CADPS2: variants seen among roughly 807,000 people sequenced by gnomAD.
CADPS2 encodes the protein calcium-dependent secretion activator 2.
Under a neutral mutation model 172.5 loss-of-function variants are expected in CADPS2, and 93 were observed. The ratio of observed to expected loss-of-function variants is 0.54; its 90% CI spans 0.46 to 0.64. The LOEUF is 0.64. Ranked by LOEUF, CADPS2 falls within the 30% of genes least tolerant of loss-of-function variation. The probability of loss-of-function intolerance (pLI) is 0.00; values close to 1 mark genes in which losing one functional copy is unlikely to be tolerated. For missense variants in CADPS2, 1,420 were observed against 1,565.9 expected (o/e 0.91, Z 1.57); for synonymous variants, 546 against 555.2 (o/e 0.98, Z 0.23).
intron 2 of CADPS2, among the ~76,000 whole-genome samples, chr7:122,707,922 G>C (rs778203130): frequency 4.0e-5 from 6 of 151,560 alleles, no homozygotes; most frequent in Non-Finnish European, 8.8e-5. Flanking sequence ...TTTCTGGATT[G>C]TGGCAACTAT....
chr7:122,571,706 G>A (rs1287478825), intron 7 of CADPS2, among the ~76,000 whole-genome samples: 3 of 152,160 alleles, frequency 2.0e-5, no homozygotes, highest in South Asian at 2.1e-4. Context: ...CTCCTGCTTC[G>A]TCACTGGTGT....
chr7:122,624,067 T>TC (rs1424501126), intron 4 of CADPS2, among the ~76,000 whole-genome samples: 1 of 152,206 alleles, frequency 6.6e-6, no homozygotes, highest in Admixed American at 6.5e-5. Context: ...TGAATTTTTT[T>TC]CTCCAAAAAA....
intron 8 of CADPS2, 116 bp downstream of exon 8, chr7:122,554,434 T>C (rs2064756966): frequency 1.9e-6 from 2 of 1,027,816 alleles, no homozygotes. Flanking sequence ...ATGTCACTTT[T>C]TGAGAAAACT....
chr7:122,873,011 T>C (rs1247487413), intron 1 of CADPS2, among the ~76,000 whole-genome samples: 2 of 151,984 alleles, frequency 1.3e-5, no homozygotes, highest in Admixed American at 1.3e-4. Flanking sequence ...TTTCACCCTA[T>C]CTGTCCCTAG....
intron 25 of CADPS2, among the ~76,000 whole-genome samples, chr7:122,364,809 A>G (rs1585291827): frequency 6.6e-6 from 1 of 152,210 alleles, no homozygotes; most frequent in Non-Finnish European, 1.5e-5. Context: ...AAAACACAAC[A>G]GTCTTAGATC....
chr7:122,391,928 C>A (rs1309228956), intron 22 of CADPS2, among the ~76,000 whole-genome samples: 1 of 152,038 alleles, frequency 6.6e-6, no homozygotes, highest in Admixed American at 6.6e-5. Context: ...GCCTCTGTCA[C>A]TTATTTGCTG....
intron 1 of CADPS2, among the ~76,000 whole-genome samples, chr7:122,876,856 T>C (rs1251910804): frequency 6.6e-6 from 1 of 151,978 alleles, no homozygotes; most frequent in Non-Finnish European, 1.5e-5. Context: ...AAAAACAGGG[T>C]CTGGATGCAG....
Position 122,388,690 on chromosome 7 carries a change from C to T in CADPS2, c.3057G>A (p.Leu1019=). 4 of 1,609,840 alleles carry T rather than the reference C, an allele frequency of 2.5e-6. No homozygotes were observed. Among genetic ancestry groups the T allele is most frequent in the Non-Finnish European group, 2.5e-6 (3 of 1,177,360 alleles). ...SEDLFWKLDA[L]QMFVFDLHWP... ...AGTGCAGATCAAAGACAAACATTTG[C>T]AGTGCATCAAGCTTCCAAAAAAGGT... The change falls in exon 23 of 30, where the codon CTG becomes CTA. Residue 1019 remains leucine, a synonymous_variant. Coordinates refer to ENST00000449022, the MANE Select transcript of CADPS2 (RefSeq NM_017954.11).
At chr7:122,806,040 A>G (rs2140065462) in intron 1 of CADPS2, among the ~76,000 whole-genome samples, 1 of 152,360 alleles carries the variant, frequency 6.6e-6, no homozygotes, top group Non-Finnish European at 1.5e-5. Context: ...CCTTTGTTTT[A>G]TGATCATTTC....
At chr7:122,702,040 G>T (rs751255171) in intron 2 of CADPS2, 4 of 1,613,480 alleles carry the variant, frequency 2.5e-6, no homozygotes, top group Non-Finnish European at 3.4e-6. Context: ...GTTGAAGCTG[G>T]TCAATAGCTT....
chr7:122,626,900 A>G (rs2076141348), intron 4 of CADPS2, among the ~76,000 whole-genome samples: 1 of 152,214 alleles, frequency 6.6e-6, no homozygotes, highest in African/African-American at 2.4e-5. Flanking sequence ...TTTGTTCACT[A>G]CTTCCTAATT....
intron 2 of CADPS2, among the ~76,000 whole-genome samples, chr7:122,667,854 A>C (rs1460989863): frequency 6.6e-6 from 1 of 151,870 alleles, no homozygotes; most frequent in East Asian, 1.9e-4. Context: ...CAAAAGAATA[A>C]CACTGCAAGG....
At chr7:122,762,541 G>T (rs927085356) in intron 1 of CADPS2, among the ~76,000 whole-genome samples, 1 of 152,134 alleles carries the variant, frequency 6.6e-6, no homozygotes, top group Admixed American at 6.6e-5. Flanking sequence ...AAACTGATTT[G>T]CCATTAAAAT....
At chr7:122,885,035 G>A (rs1823955159) in intron 1 of CADPS2, among the ~76,000 whole-genome samples, 1 of 152,124 alleles carries the variant, frequency 6.6e-6, no homozygotes, top group African/African-American at 2.4e-5. Flanking sequence ...GGATCTCTAG[G>A]TCTTGTCACA....
chr7:122,645,314 T>TATACATAA (rs1230999292), intron 3 of CADPS2, among the ~76,000 whole-genome samples: 4 of 133,122 alleles, frequency 3.0e-5, no homozygotes, highest in African/African-American at 5.3e-5. Context: ...TGTACATGTG[T>TATACATAA]GTATACATGT....
chr7:122,553,878 G>A (rs145219655), intron 8 of CADPS2, among the ~76,000 whole-genome samples: 2 of 152,216 alleles, frequency 1.3e-5, no homozygotes, highest in Non-Finnish European at 2.9e-5. Context: ...TAAGTCCAAA[G>A]TGTTATTCTG....
rs1231140420 is a variant in CADPS2, at chr7:122,663,397, G to C, written c.626C>G (p.Ala209Gly). The C allele has an allele frequency of 1.1e-5, 17 of 1,613,838 alleles. No homozygotes were observed. Among genetic ancestry groups the C allele is most frequent in the Non-Finnish European group, 1.3e-5 (15 of 1,179,870 alleles). ...CAAGTCCTCTTCACCTCTGTAAATG[G>C]CATCATATTTGGCTATCCATGAGCT... ...VLSSWIAKYD[A>G]IYRGEEDLCK... The change falls in exon 3 of 30, where the codon GCC becomes GGC. Residue 209 changes from alanine (A) to glycine (G), a missense_variant. Coordinates refer to ENST00000449022, the MANE Select transcript of CADPS2 (RefSeq NM_017954.11).
intron 1 of CADPS2, among the ~76,000 whole-genome samples, chr7:122,817,248 C>T (rs1334166312): frequency 6.6e-6 from 1 of 152,194 alleles, no homozygotes; most frequent in East Asian, 1.9e-4. Context: ...GTTCTTTGCT[C>T]CATGAGAAAG....
chr7:122,675,971 C>G (rs2082340747), intron 2 of CADPS2, among the ~76,000 whole-genome samples: 1 of 151,994 alleles, frequency 6.6e-6, no homozygotes, highest in Non-Finnish European at 1.5e-5. Context: ...ACATGCATCC[C>G]AGAACCCAAA....
Sources: allele counts gnomAD v4.1 joint callset (sites outside exome capture counted in the v4.1 genomes callset), GRCh38; gene constraint gnomAD v4.1.1; transcripts MANE v1.5; gene names NCBI Gene and HGNC (gene_info 2026-07-23, HGNC 2026-07-21).